The following SLC25A21 variants were observed in gnomAD, a reference collection of about 807,000 sequenced individuals.
The protein encoded by SLC25A21 is solute carrier family 25 member 21, also known as mitochondrial 2-oxodicarboxylate carrier.
SLC25A21 carries 47 observed loss-of-function variants against 43.8 expected under a neutral mutation model. The ratio of observed to expected loss-of-function variants is 1.07; its 90% CI spans 0.85 to 1.37. The LOEUF is 1.37. Ranked by LOEUF, SLC25A21 falls within the 40% of genes most tolerant of loss-of-function variation. SLC25A21 has a pLI of 0.00. For missense variants in SLC25A21, 352 were observed against 350.2 expected (o/e 1.00, Z -0.04); for synonymous variants, 131 against 121.3 (o/e 1.08, Z -0.52).
intron 3 of SLC25A21, among the ~76,000 whole-genome samples, chr14:36,795,980 A>G (rs1296621119): frequency 6.6e-6 from 1 of 151,574 alleles, no homozygotes; most frequent in Non-Finnish European, 1.5e-5. Flanking sequence ...AATGCCAAGG[A>G]GTTGTTCCAG....
In SLC25A21 at chr14:36,680,112, A is replaced by AAATT; in HGVS notation, c.*542_*545dup. 1.1e-6 allele frequency: 1 copy of AAATT among 880,166 alleles called. No homozygotes were observed. Among genetic ancestry groups the AAATT allele is most frequent in the Non-Finnish European group, 1.4e-6 (1 of 735,074 alleles). 54.5% of individuals were successfully genotyped at this position (880,166 alleles called of 1,614,324 possible). ...TTTACATTTTAACATAGTATTCATA[A>AAATT]AATTAAACATTCTTAAAAGGTCATT... On this transcript the variant is annotated 3_prime_UTR_variant, in exon 10 of 10. Transcript: ENST00000331299.
intron 2 of SLC25A21, among the ~76,000 whole-genome samples, chr14:36,819,831 T>C (rs1019483255): frequency 6.6e-6 from 1 of 152,176 alleles, no homozygotes; most frequent in Admixed American, 6.5e-5. Flanking sequence ...TGGCCATTAC[T>C]TTTAATGGTG....
chr14:36,841,254 G>A (rs1484222079), intron 2 of SLC25A21, among the ~76,000 whole-genome samples: 2 of 152,134 alleles, frequency 1.3e-5, no homozygotes, highest in African/African-American at 4.8e-5. Flanking sequence ...AATACACAGA[G>A]CTAAACACAA....
At chr14:37,004,428 A>T (rs1471870042) in intron 1 of SLC25A21, among the ~76,000 whole-genome samples, 1 of 152,208 alleles carries the variant, frequency 6.6e-6, no homozygotes, top group African/African-American at 2.4e-5. Context: ...CAACACATGC[A>T]TTTCATGTTA....
chr14:36,718,779 G>T (rs1884254563), intron 6 of SLC25A21, among the ~76,000 whole-genome samples: 1 of 152,132 alleles, frequency 6.6e-6, no homozygotes, highest in Non-Finnish European at 1.5e-5. Context: ...TATCTTTAAA[G>T]ATTTTCCCAT....
intron 1 of SLC25A21, among the ~76,000 whole-genome samples, chr14:36,891,638 C>T (rs1036170649): frequency 6.6e-6 from 1 of 151,928 alleles, no homozygotes; most frequent in African/African-American, 2.4e-5. Flanking sequence ...TCTATTCCCT[C>T]TTTTTTTTCA....
chr14:36,719,398 A>G (rs1313378630), intron 6 of SLC25A21, among the ~76,000 whole-genome samples: 1 of 152,218 alleles, frequency 6.6e-6, no homozygotes, highest in Non-Finnish European at 1.5e-5. Context: ...ACAGATCAGA[A>G]CAACTCTTTG....
chr14:37,014,767 T>C (rs118090314), intron 1 of SLC25A21, among the ~76,000 whole-genome samples: 1,624 of 152,252 alleles, frequency 0.011, 11 homozygotes, highest in African/African-American at 0.026. Flanking sequence ...GACTTGAACA[T>C]TGAAATTACT....
intron 1 of SLC25A21, among the ~76,000 whole-genome samples, chr14:36,934,620 G>T (rs952740646): frequency 6.6e-6 from 1 of 151,812 alleles, no homozygotes; most frequent in African/African-American, 2.4e-5. Context: ...GTACTTATGG[G>T]GTAAAAAGAA....
At chr14:36,748,648 A>T (rs1566569310) in intron 3 of SLC25A21, among the ~76,000 whole-genome samples, 1 of 152,204 alleles carries the variant, frequency 6.6e-6, no homozygotes, top group Non-Finnish European at 1.5e-5. Context: ...AAACACTTGA[A>T]AAACAATGCA....
At chr14:37,108,975 CTTTAA>C (rs539731214) in intron 1 of SLC25A21, among the ~76,000 whole-genome samples, 125 of 152,210 alleles carry the variant, frequency 8.2e-4, no homozygotes, top group Non-Finnish European at 1.2e-3. Context: ...TCCTACTCCT[CTTTAA>C]TTTATCAGCT....
intron 1 of SLC25A21, among the ~76,000 whole-genome samples, chr14:37,016,888 C>A (rs1960869351): frequency 6.6e-6 from 1 of 152,058 alleles, no homozygotes; most frequent in Admixed American, 6.6e-5. Flanking sequence ...TCAAACTTTT[C>A]TTCTGCAGCT....
chr14:36,998,245 G>T (rs1388900289), intron 1 of SLC25A21, among the ~76,000 whole-genome samples: 1 of 152,176 alleles, frequency 6.6e-6, no homozygotes, highest in African/African-American at 2.4e-5. Context: ...GATATAGAAT[G>T]TGGTGTTTCT....
At chr14:36,752,087 G>A (rs892524777) in intron 3 of SLC25A21, among the ~76,000 whole-genome samples, 3 of 152,156 alleles carry the variant, frequency 2.0e-5, no homozygotes, top group Non-Finnish European at 2.9e-5. Context: ...TCCTGCTGGG[G>A]AGCCAGGCGA....
chr14:36,830,579 C>T (rs1889002725), intron 2 of SLC25A21, among the ~76,000 whole-genome samples: 1 of 151,922 alleles, frequency 6.6e-6, no homozygotes, highest in South Asian at 2.1e-4. Context: ...ATATTCCTCT[C>T]TCTGGAAAAA....
intron 1 of SLC25A21, among the ~76,000 whole-genome samples, chr14:36,961,771 C>A (rs1047935274): frequency 6.6e-6 from 1 of 152,156 alleles, no homozygotes; most frequent in African/African-American, 2.4e-5. Context: ...ATGCCCTTTG[C>A]ACATGAAAGT....
chr14:36,680,982 G>T (rs887361541), intron 9 of SLC25A21, among the ~76,000 whole-genome samples: 5 of 152,132 alleles, frequency 3.3e-5, no homozygotes, highest in African/African-American at 1.2e-4. Context: ...TCTTTTTCAA[G>T]CACTTTCAAT....
chr14:36,877,459 C>T (rs1225180283), intron 1 of SLC25A21, among the ~76,000 whole-genome samples: 1 of 152,046 alleles, frequency 6.6e-6, no homozygotes, highest in Non-Finnish European at 1.5e-5. Flanking sequence ...TATGATGGTC[C>T]CCTAGTATGC....
At chr14:36,867,029 G>A (rs977096875) in intron 2 of SLC25A21, among the ~76,000 whole-genome samples, 3 of 152,042 alleles carry the variant, frequency 2.0e-5, no homozygotes, top group East Asian at 1.9e-4. Flanking sequence ...ATGAGCCAGC[G>A]CTGCTCTAGA....
Sources: allele counts gnomAD v4.1 joint callset (sites outside exome capture counted in the v4.1 genomes callset), GRCh38; gene constraint gnomAD v4.1.1; transcripts MANE v1.5; gene names NCBI Gene and HGNC (gene_info 2026-07-23, HGNC 2026-07-21).